The following CRACD variants were observed in gnomAD, a reference collection of about 807,000 sequenced individuals.
CRACD encodes the protein capping protein-inhibiting regulator of actin dynamics.
In CRACD, 56 loss-of-function variants were observed where a neutral mutation model predicts 106.8. The observed-to-expected ratio is 0.52, with a 90% confidence interval of 0.42 to 0.66. CRACD has a LOEUF of 0.66. Ranked by LOEUF, CRACD falls within the 30% of genes least tolerant of loss-of-function variation. The pLI is 0.00. For synonymous variants in CRACD, 754 were observed against 670.8 expected (o/e 1.12, Z -1.92); for missense variants, 1,730 against 1,623.2 (o/e 1.07, Z -1.13).
At chr4:56,308,951 A>C (rs746372996) in intron 5 of CRACD, 1 of 1,276,796 alleles carries the variant, frequency 7.8e-7, no homozygotes, top group South Asian at 1.2e-5. Flanking sequence ...GGTATTACAG[A>C]GGTGAGCAAG....
At chr4:56,152,173 C>G (rs1162502573) in intron 1 of CRACD, among the ~76,000 whole-genome samples, 7 of 150,476 alleles carry the variant, frequency 4.7e-5, no homozygotes, top group Admixed American at 1.3e-4. Flanking sequence ...CCACGCCCAG[C>G]TAATTTTTTG....
At chr4:56,291,552 C>A (rs1242667688) in intron 3 of CRACD, among the ~76,000 whole-genome samples, 2 of 152,160 alleles carry the variant, frequency 1.3e-5, no homozygotes, top group African/African-American at 4.8e-5. Context: ...CTTCAGAGAA[C>A]AGGAAATAAT....
chr4:56,075,605 T>C (rs940429046), intron 1 of CRACD, among the ~76,000 whole-genome samples: 3 of 152,130 alleles, frequency 2.0e-5, no homozygotes, highest in African/African-American at 7.2e-5. Flanking sequence ...TAGCAATCGC[T>C]CCTGGTTACT....
rs760059180 is a variant in CRACD at position 56,314,932 on chromosome 4, C to G, written c.1430C>G (p.Pro477Arg). 1 of 1,601,130 alleles carries G rather than the reference C, an allele frequency of 6.2e-7. No individual in the cohort carries two copies. The highest frequency in any genetic ancestry group is 1.1e-5 in the South Asian group (1 of 88,584). The change falls in exon 8 of 11, where the codon CCT becomes CGT. Residue 477 changes from proline to arginine, a missense_variant. Physicochemically the swap from Pro to Arg is moderately radical, Grantham distance 103. Transcript: ENST00000682029. This position sits in a 1 kb window ranked among gnomAD's most constrained non-coding sequence, Gnocchi z 4.4. ...GGGGATTTCCAGGGGGCCGATCGTC[C>G]TGGGCCCGAGGAAAAGAGAGAAGAA... ...RSGDFQGADR[P>R]GPEEKREEGD... is the part of the protein sequence containing the mutation.
Position 56,314,750 on chromosome 4 carries a change from G to A in CRACD, c.1248G>A (p.Arg416=), listed in dbSNP as rs753419890. 3.1e-5 allele frequency: 49 copies of A among 1,586,418 alleles called. No homozygotes were observed. In the East Asian group the frequency reaches 1.1e-3, roughly 36 times the overall value. The stretch of plus-strand genomic sequence containing the variant: ...GCCAGGCGCACCTGGAGGACTGGAG[G>A]GGGCAGCTCAGTGAGCTTCTGAACG... ...EEGQAHLEDW[R]GQLSELLNDF... is the part of the protein sequence containing the mutation. The change falls in exon 8 of 11, where the codon AGG becomes AGA. Residue 416 remains arginine, a synonymous_variant. Transcript: ENST00000682029. This position sits in a 1 kb window ranked among gnomAD's most constrained non-coding sequence, Gnocchi z 4.4.
At chr4:56,246,958 C>G (rs866333084) in intron 2 of CRACD, among the ~76,000 whole-genome samples, 48 of 152,180 alleles carry the variant, frequency 3.2e-4, no homozygotes, top group African/African-American at 1.1e-3. Flanking sequence ...TTGGGTACTG[C>G]TGTTAATATT....
chr4:56,254,894 G>A (rs79474041), intron 2 of CRACD, among the ~76,000 whole-genome samples: 1,571 of 97,000 alleles, frequency 0.016, 33 homozygotes, highest in African/African-American at 0.04. Flanking sequence ...CATGAGGTCA[G>A]GATTTTTGAG....
At chr4:56,110,109 A>T (rs1734069207) in intron 1 of CRACD, among the ~76,000 whole-genome samples, 1 of 152,236 alleles carries the variant, frequency 6.6e-6, no homozygotes, top group African/African-American at 2.4e-5. Context: ...GGGGCAAATC[A>T]GGTTACATAC....
intron 1 of CRACD, among the ~76,000 whole-genome samples, chr4:56,145,301 CTGA>C (rs1282278197): frequency 1.3e-5 from 2 of 152,116 alleles, no homozygotes; most frequent in African/African-American, 4.8e-5. Flanking sequence ...CCAAAGAATG[CTGA>C]TAAGTAAGTG....
chr4:56,161,383 A>AT lies in CRACD; in HGVS notation c.-335-17893dup, dbSNP rs1735952064. ...TGATGTAATTTGGAGCTTGAGAATG[A>AT]TTTTTTTTACACATGCCCACCAGAC... On this transcript the variant is annotated intron_variant, in intron 1 of 10. Coordinates refer to ENST00000682029, the MANE Select transcript of CRACD (RefSeq NM_001393381.1). 2.0e-5 allele frequency among the ~76,000 whole-genome samples: 3 copies of AT among 152,110 alleles called. No homozygotes were observed. The South Asian group carries it at 6.2e-4, about 32-fold the overall frequency.
At chr4:56,243,475 C>G (rs537821387) in intron 2 of CRACD, among the ~76,000 whole-genome samples, 92 of 152,256 alleles carry the variant, frequency 6.0e-4, no homozygotes, top group African/African-American at 2.2e-3. Flanking sequence ...ATTTTGGAGC[C>G]TCTTTTTTGT....
At chr4:56,326,234 A>C (rs371848460) in intron 10 of CRACD, among the ~76,000 whole-genome samples, 3 of 151,402 alleles carry the variant, frequency 2.0e-5, no homozygotes, top group South Asian at 4.2e-4. Context: ...TTTGAAAACC[A>C]CTTTAGAATG....
chr4:56,142,882 G>T (rs1735254313), intron 1 of CRACD, among the ~76,000 whole-genome samples: 1 of 151,762 alleles, frequency 6.6e-6, no homozygotes, highest in African/African-American at 2.4e-5. Flanking sequence ...TTCCTAACAT[G>T]CCTCTATGAT....
intron 1 of CRACD, among the ~76,000 whole-genome samples, chr4:56,142,090 A>G (rs1057299465): frequency 1.3e-5 from 2 of 152,124 alleles, no homozygotes; most frequent in African/African-American, 4.8e-5. Flanking sequence ...AAATTAAAAA[A>G]CCACACAGTT....
intron 1 of CRACD, among the ~76,000 whole-genome samples, chr4:56,124,474 A>G (rs1377897638): frequency 1.3e-5 from 2 of 152,208 alleles, no homozygotes; most frequent in Admixed American, 6.5e-5. Flanking sequence ...TTTAAAATAT[A>G]ATCACAGTCC....
intron 1 of CRACD, among the ~76,000 whole-genome samples, chr4:56,119,389 G>GGC (rs1734406199): frequency 6.6e-6 from 1 of 151,362 alleles, no homozygotes; most frequent in African/African-American, 2.4e-5. Flanking sequence ...GGAGTGCAGT[G>GGC]GCGCCATCAT....
intron 1 of CRACD, among the ~76,000 whole-genome samples, chr4:56,061,423 T>C (rs959279988): frequency 1.3e-5 from 2 of 151,678 alleles, no homozygotes; most frequent in African/African-American, 4.9e-5. Context: ...CTACCTGCCT[T>C]GGCCTCCCAA....
At chr4:56,070,301 A>AT (rs56087277) in intron 1 of CRACD, among the ~76,000 whole-genome samples, 35,861 of 133,440 alleles carry the variant, frequency 0.27, 5,199 homozygotes, top group African/African-American at 0.36. Context: ...GTCCTTGCCC[A>AT]TTTTTTTTTT....
At chr4:56,201,911 A>G (rs74434721) in intron 2 of CRACD, among the ~76,000 whole-genome samples, 2,130 of 152,310 alleles carry the variant, frequency 0.014, 51 homozygotes, top group East Asian at 0.052. Flanking sequence ...AAACACATGT[A>G]CAAGTTGTTT....
Sources: allele counts gnomAD v4.1 joint callset (sites outside exome capture counted in the v4.1 genomes callset), GRCh38; gene constraint gnomAD v4.1.1; non-coding constraint Gnocchi (gnomAD v3.1); transcripts MANE v1.5; gene names NCBI Gene and HGNC (gene_info 2026-07-23, HGNC 2026-07-21).